The following LARP1B variants were observed in gnomAD, a reference collection of about 807,000 sequenced individuals.
LARP1B encodes La ribonucleoprotein 1B, also known as la-related protein 1B.
Under a neutral mutation model 114.2 loss-of-function variants are expected in LARP1B, and 76 were observed. The ratio of observed to expected loss-of-function variants is 0.67; its 90% CI spans 0.55 to 0.81. The LOEUF is 0.81. Ranked by LOEUF, LARP1B falls within the 30% of genes least tolerant of loss-of-function variation. LARP1B has a pLI of 0.00. For synonymous variants in LARP1B, 345 were observed against 348.0 expected, an observed-to-expected ratio of 0.99 and a Z score of 0.10; for missense variants, 1,014 against 1,075.8, an observed-to-expected ratio of 0.94 and a Z score of 0.80.
downstream of LARP1B, among the ~76,000 whole-genome samples, chr4:128,212,180 T>C (rs993026568): frequency 8.5e-5 from 13 of 152,114 alleles, no homozygotes; most frequent in African/African-American, 3.1e-4. Context: ...CCTAAAGTGC[T>C]TGAATTACAG....
At chr4:128,141,454 T>C (rs17012954) in intron 11 of LARP1B, among the ~76,000 whole-genome samples, 4,047 of 152,278 alleles carry the variant, frequency 0.027, 165 homozygotes, top group African/African-American at 0.093. Flanking sequence ...AACTCAAATA[T>C]GCTAATGTGT....
intron 11 of LARP1B, chr4:128,155,458 C>G: frequency 1.3e-6 from 1 of 749,714 alleles, no homozygotes; most frequent in East Asian, 2.5e-5. Flanking sequence ...CCCGCGCAGC[C>G]CCCCGGCCGC....
chr4:128,105,841 A>G (rs1166881566), intron 8 of LARP1B, among the ~76,000 whole-genome samples: 1 of 152,190 alleles, frequency 6.6e-6, no homozygotes, highest in African/African-American at 2.4e-5. Flanking sequence ...CAGTGAGCCA[A>G]GTTGACAACA....
chr4:128,072,329 T>C (rs1765696803), intron 1 of LARP1B, among the ~76,000 whole-genome samples: 1 of 151,996 alleles, frequency 6.6e-6, no homozygotes, highest in Admixed American at 6.6e-5. Context: ...GATAGTGAAA[T>C]AATGCTCAAA....
chr4:128,171,811 A>G (rs1470095322), intron 12 of LARP1B, among the ~76,000 whole-genome samples: 2 of 152,164 alleles, frequency 1.3e-5, no homozygotes, highest in East Asian at 3.8e-4. Flanking sequence ...GTGATTCAAA[A>G]CTGTTGTACC....
chr4:128,100,347 A>G (rs2149713238), intron 8 of LARP1B, among the ~76,000 whole-genome samples: 1 of 151,788 alleles, frequency 6.6e-6, no homozygotes, highest in South Asian at 2.1e-4. Flanking sequence ...ATCTTGGCTC[A>G]CTGCAACCTC....
At chr4:128,135,206 A>C (rs1457592572) in intron 11 of LARP1B, among the ~76,000 whole-genome samples, 2 of 152,134 alleles carry the variant, frequency 1.3e-5, no homozygotes, top group Non-Finnish European at 2.9e-5. Flanking sequence ...AATGCAAATA[A>C]AAAAATCAGA....
chr4:128,092,211 A>G (rs1296284274), intron 7 of LARP1B, among the ~76,000 whole-genome samples: 2 of 152,162 alleles, frequency 1.3e-5, no homozygotes, highest in African/African-American at 4.8e-5. Context: ...TTTGCAAATT[A>G]ACATAAATAA....
chr4:128,188,752 A>C (rs1751207005), intron 15 of LARP1B, among the ~76,000 whole-genome samples: 1 of 152,122 alleles, frequency 6.6e-6, no homozygotes, highest in African/African-American at 2.4e-5. Flanking sequence ...TTCTTTATTA[A>C]TCTGTTGATC....
At chr4:128,108,989 G>C (rs750124719) in intron 9 of LARP1B, 2 of 263,958 alleles carry the variant, frequency 7.6e-6, no homozygotes, top group Admixed American at 6.5e-5. Context: ...ATATTAAAAT[G>C]TCATAAATTT....
intron 4 of LARP1B, among the ~76,000 whole-genome samples, chr4:128,078,905 A>G (rs1769054907): frequency 1.3e-5 from 2 of 152,144 alleles, no homozygotes; most frequent in Admixed American, 6.6e-5. Flanking sequence ...AGACATAGAT[A>G]GACAACGTCC....
At chr4:128,065,310 T>TC (rs1762201766) in intron 1 of LARP1B, among the ~76,000 whole-genome samples, 1 of 89,886 alleles carries the variant, frequency 1.1e-5, no homozygotes, top group Non-Finnish European at 2.5e-5. Context: ...TCTTTCTTTC[T>TC]TTCTTTCTCT....
intron 8 of LARP1B, among the ~76,000 whole-genome samples, chr4:128,103,505 A>C (rs1206001689): frequency 6.7e-6 from 1 of 150,278 alleles, no homozygotes; most frequent in East Asian, 2.0e-4. Flanking sequence ...TAGTTTGTTT[A>C]TGTAAGAGAA....
At chr4:128,155,618 A>T in intron 11 of LARP1B, 2 of 1,221,344 alleles carry the variant, frequency 1.6e-6, no homozygotes, top group Non-Finnish European at 2.4e-6. Flanking sequence ...AGCCCCCTAC[A>T]ACCCCAGCCA....
At chr4:128,135,198 T>C (rs1262378043) in intron 11 of LARP1B, among the ~76,000 whole-genome samples, 2 of 151,480 alleles carry the variant, frequency 1.3e-5, no homozygotes, top group Non-Finnish European at 1.5e-5. Flanking sequence ...AGAATAGAAA[T>C]GCAAATAAAA....
chr4:128,108,291 G>C (rs1190742675), intron 9 of LARP1B: 1 of 1,036,812 alleles, frequency 9.6e-7, no homozygotes, highest in Admixed American at 5.5e-5. Flanking sequence ...AGAAAAAGAG[G>C]GGATTGAGTA....
chr4:128,220,295 T>C (rs1759915219), intron 6 of LARP1B: 1 of 623,068 alleles, frequency 1.6e-6, no homozygotes, highest in Non-Finnish European at 2.0e-6. Context: ...GTTTAATCTT[T>C]TCCTTCAACT....
intron 5 of LARP1B, among the ~76,000 whole-genome samples, chr4:128,085,569 C>T (rs961752626): frequency 6.6e-6 from 1 of 152,028 alleles, no homozygotes; most frequent in Non-Finnish European, 1.5e-5. Flanking sequence ...AGTCTTGCTT[C>T]GTTGCCCGGG....
intron 9 of LARP1B, among the ~76,000 whole-genome samples, chr4:128,112,742 G>C (rs762640239): frequency 4.6e-5 from 7 of 152,012 alleles, no homozygotes; most frequent in Non-Finnish European, 8.8e-5. Context: ...CCAAAGTGCT[G>C]GGATTACAGG....
Sources: gnomAD v4.1 joint callset for allele counts (sites outside exome capture counted in the v4.1 genomes callset) on GRCh38, gnomAD v4.1.1 for gene constraint, MANE v1.5 for transcripts, NCBI Gene and HGNC (gene_info 2026-07-23, HGNC 2026-07-21) for gene names.